Variants in GALNT9 observed in about 807,000 individuals in gnomAD.
The protein encoded by GALNT9 is GalNAc transferase 9.
Under a neutral mutation model 63.1 loss-of-function variants are expected in GALNT9, and 47 were observed. The observed-to-expected ratio is 0.75, with a 90% CI of 0.59 to 0.95. The LOEUF is 0.95. Ranked by LOEUF, GALNT9 falls within the 40% of genes least tolerant of loss-of-function variation. The pLI, the probability that GALNT9 is intolerant of heterozygous loss-of-function variation, is 0.00. For missense variants in GALNT9, 829 were observed against 874.8 expected (o/e 0.95, Z 0.66); for synonymous variants, 396 against 365.7 (o/e 1.08, Z -0.94).
intron 2 of GALNT9, chr12:132,283,679 C>G (rs544281543): frequency 6.6e-6 from 1 of 152,180 alleles, no homozygotes. Context: ...CACCGAGGCT[C>G]GGGGGCTCCT....
At chr12:132,219,185 T>C (rs964475560) in intron 6 of GALNT9, among the ~76,000 whole-genome samples, 10 of 152,110 alleles carry the variant, frequency 6.6e-5, no homozygotes, top group African/African-American at 2.2e-4. Context: ...TGTGATTGCT[T>C]CTGTCCTCAA....
intron 6 of GALNT9, among the ~76,000 whole-genome samples, chr12:132,243,284 A>AGT (rs1878525650): frequency 3.5e-5 from 1 of 28,586 alleles, no homozygotes; most frequent in South Asian, 1.1e-3. Flanking sequence ...CACAACACAC[A>AGT]CTTCCCGGGG....
chr12:132,295,921 G>A (rs1246209596), intron 1 of GALNT9, among the ~76,000 whole-genome samples: 1 of 79,546 alleles, frequency 1.3e-5, no homozygotes, highest in Non-Finnish European at 2.6e-5. Flanking sequence ...TCCGAACAGG[G>A]ACGGCCTCCG....
intron 1 of GALNT9, among the ~76,000 whole-genome samples, chr12:132,328,596 C>G (rs868939587): frequency 1.3e-5 from 2 of 152,280 alleles, no homozygotes; most frequent in African/African-American, 2.4e-5. Context: ...CTAAACCTGA[C>G]GGCCCCCACT....
intron 1 of GALNT9, among the ~76,000 whole-genome samples, chr12:132,317,451 TAGCGTGGGGTC>T (rs1302447787): frequency 2.0e-5 from 3 of 152,146 alleles, no homozygotes; most frequent in Non-Finnish European, 4.4e-5. Flanking sequence ...ACTGGCTCCC[TAGCGTGGGGTC>T]AGCTCCTCTC....
chr12:132,319,278 G>A lies in GALNT9; in HGVS notation c.238+9688C>T, dbSNP rs1868669819. The stretch of plus-strand genomic sequence containing the variant: ...AGGTCTGTCCTCCCCAGTGCAGACA[G>A]GGATCAGCCCCTTCTCGGAGGCCCG... On this transcript the variant is annotated intron_variant, in intron 1 of 10. Transcript: ENST00000328957. The surrounding 1 kb of genome is among the most constrained non-coding windows in gnomAD (Gnocchi z 5.2). Among the ~76,000 whole-genome samples, 1 of 152,194 alleles carries A rather than the reference G, an allele frequency of 6.6e-6. No individual in the cohort carries two copies. The highest frequency in any genetic ancestry group is 1.5e-5 in the Non-Finnish European group (1 of 68,022).
chr12:132,199,298 C>T (rs1389540077), intron 8 of GALNT9, 29 bp from the exon 9 acceptor site: 7 of 1,527,450 alleles, frequency 4.6e-6, no homozygotes, highest in African/African-American at 1.4e-5. Flanking sequence ...GGAGAAAGTC[C>T]AGAGTCACCC....
At chr12:132,228,657 G>A (rs1276147252) in intron 6 of GALNT9, among the ~76,000 whole-genome samples, 4 of 152,026 alleles carry the variant, frequency 2.6e-5, no homozygotes, top group East Asian at 1.9e-4. Context: ...GTGGGGTCTC[G>A]AGGGTCCAGG....
intron 6 of GALNT9, among the ~76,000 whole-genome samples, chr12:132,213,654 C>G (rs1712841980): frequency 6.6e-6 from 1 of 152,208 alleles, no homozygotes; most frequent in Non-Finnish European, 1.5e-5. Flanking sequence ...GATGTACCTG[C>G]AGGGACAGCT....
Position 132,296,047 on chromosome 12 carries a change from A to G in GALNT9, c.239-9617T>C, listed in dbSNP as rs1593111295. Among the ~76,000 whole-genome samples, 1 of 136,124 alleles carries G rather than the reference A, an allele frequency of 7.3e-6. No homozygotes were observed. The highest frequency in any genetic ancestry group is 3.0e-5 in the African/African-American group (1 of 33,466). 89.3% of individuals were successfully genotyped at this position (136,124 alleles called of 152,430 possible). ...CAGGGAGAGCCTCCAGAACAGGGAG[A>G]GCCTCTGAACAGGGAGAGGCTCCGG... On this transcript the variant is annotated intron_variant, in intron 1 of 10. Coordinates refer to ENST00000328957, the MANE Select transcript of GALNT9 (RefSeq NM_001122636.2). This position sits in a 1 kb window ranked among gnomAD's most constrained non-coding sequence, Gnocchi z 4.2.
intron 1 of GALNT9, among the ~76,000 whole-genome samples, chr12:132,292,944 T>C (rs555398040): frequency 6.6e-6 from 1 of 152,308 alleles, no homozygotes; most frequent in African/African-American, 2.4e-5. Context: ...GAGGAGAGTC[T>C]GAGATGGCAC....
In GALNT9 at chr12:132,327,759, G is replaced by T. The variant is rs2135595686; in HGVS notation, c.238+1207C>A. Among the ~76,000 whole-genome samples, 2 of 152,264 alleles carry T rather than the reference G, an allele frequency of 1.3e-5. No individual in the cohort carries two copies. Among genetic ancestry groups the T allele is most frequent in the African/African-American group, 4.8e-5 (2 of 41,556 alleles). On this transcript the variant is annotated intron_variant, in intron 1 of 10. Coordinates refer to ENST00000328957, the MANE Select transcript of GALNT9 (RefSeq NM_001122636.2). This position sits in a 1 kb window ranked among gnomAD's most constrained non-coding sequence, Gnocchi z 4.3. ...GGGAAGGCGCTCAGGAAGTCAGGGTGCTCTGAGTCAGACAAAGCTGGGACA... is the reference window on the plus strand; with the variant it reads ...GGGAAGGCGCTCAGGAAGTCAGGGTTCTCTGAGTCAGACAAAGCTGGGACA...
At chr12:132,306,580 G>T (rs1555244668) in intron 1 of GALNT9, among the ~76,000 whole-genome samples, 1 of 152,178 alleles carries the variant, frequency 6.6e-6, no homozygotes, top group African/African-American at 2.4e-5. Context: ...GGCCTTTCTG[G>T]GTACCCCCAC....
At chr12:132,304,562 C>G (rs1881485801) in intron 1 of GALNT9, among the ~76,000 whole-genome samples, 1 of 45,282 alleles carries the variant, frequency 2.2e-5, no homozygotes, top group Non-Finnish European at 3.9e-5. Flanking sequence ...GACACACCCT[C>G]ACCGGGGCAC....
intron 1 of GALNT9, among the ~76,000 whole-genome samples, chr12:132,298,710 T>G (rs1593112620): frequency 7.1e-6 from 1 of 141,546 alleles, no homozygotes; most frequent in Non-Finnish European, 1.5e-5. Flanking sequence ...ACCAAGCCAC[T>G]GCTGAGATAA....
chr12:132,214,683 C>T (rs533840849), intron 6 of GALNT9, among the ~76,000 whole-genome samples: 5 of 152,362 alleles, frequency 3.3e-5, no homozygotes, highest in African/African-American at 1.2e-4. Context: ...CCTGTCCAGC[C>T]TGGTGCCTCC....
At chr12:132,237,834 A>G (rs1878061400) in intron 6 of GALNT9, among the ~76,000 whole-genome samples, 1 of 152,210 alleles carries the variant, frequency 6.6e-6, no homozygotes, top group Non-Finnish European at 1.5e-5. Flanking sequence ...GGCATCTGCC[A>G]GGCCTGCGGT....
intron 1 of GALNT9, among the ~76,000 whole-genome samples, chr12:132,321,196 T>TCGG (rs1566024583): frequency 5.3e-5 from 8 of 151,262 alleles, no homozygotes; most frequent in Non-Finnish European, 8.9e-5. Flanking sequence ...GAGGCCCCTG[T>TCGG]TGGTCCAGAG....
At chr12:132,324,908 C>G (rs1250541608) in intron 1 of GALNT9, among the ~76,000 whole-genome samples, 3 of 152,250 alleles carry the variant, frequency 2.0e-5, no homozygotes, top group African/African-American at 7.2e-5. Flanking sequence ...CACCCCTTCC[C>G]CAAGCCCTCC....
Sources: allele counts gnomAD v4.1 joint callset (sites outside exome capture counted in the v4.1 genomes callset), GRCh38; gene constraint gnomAD v4.1.1; non-coding constraint Gnocchi (gnomAD v3.1); transcripts MANE v1.5; gene names NCBI Gene and HGNC (gene_info 2026-07-23, HGNC 2026-07-21).